Variants in SNTG2 observed in about 807,000 individuals in gnomAD.
The protein encoded by SNTG2 is syntrophin gamma 2, also known as gamma-2-syntrophin.
A neutral mutation model predicts 70.9 loss-of-function variants in SNTG2; 74 were observed. The ratio of observed to expected loss-of-function variants is 1.04; its 90% confidence interval spans 0.86 to 1.27. SNTG2 has a LOEUF of 1.27. Among genes scored for constraint, SNTG2 ranks in the 50% most tolerant of loss-of-function variants. The pLI, the probability that SNTG2 is intolerant of heterozygous loss-of-function variation, is 0.00. For synonymous variants in SNTG2, 278 were observed against 273.8 expected, an observed-to-expected ratio of 1.02 and a Z score of -0.15; for missense variants, 717 against 690.7, an observed-to-expected ratio of 1.04 and a Z score of -0.43.
chr2:1,081,282 C>T (rs6548183), intron 1 of SNTG2, among the ~76,000 whole-genome samples: 116,370 of 152,166 alleles, frequency 0.76, 45,100 homozygotes, highest in Admixed American at 0.87. Context: ...AGAGTAAATG[C>T]GGGAGGCAAT....
chr2:987,636 C>A (rs1420306820), intron 1 of SNTG2, among the ~76,000 whole-genome samples: 1 of 152,072 alleles, frequency 6.6e-6, no homozygotes, highest in Non-Finnish European at 1.5e-5. Context: ...GATTTCAGGA[C>A]TTCCGAGTTC....
At position 1,267,353 on chromosome 2, in the gene SNTG2, T is replaced by A; in HGVS notation, c.1078-12T>A. ...AGCGCTGCACGTTTCCAATCCATGC[T>A]CTGTTTTTCAGTTCTGGCTCACAGA... On this transcript the variant is annotated splice_polypyrimidine_tract_variant and intron_variant, in intron 13 of 16. Coordinates refer to ENST00000308624, the MANE Select transcript of SNTG2 (RefSeq NM_018968.4). 2 of 1,584,956 alleles carry A rather than the reference T, an allele frequency of 1.3e-6. No individual in the cohort carries two copies. Among genetic ancestry groups the A allele is most frequent in the South Asian group, 1.2e-5 (1 of 86,910 alleles).
chr2:1,113,385 C>T (rs1415560357), intron 4 of SNTG2, among the ~76,000 whole-genome samples: 2 of 150,640 alleles, frequency 1.3e-5, no homozygotes, highest in African/African-American at 4.9e-5. Context: ...TGAAAAGGAT[C>T]GTGTGTACTA....
chr2:1,331,894 C>A (rs1291162363), intron 16 of SNTG2, among the ~76,000 whole-genome samples: 2 of 152,216 alleles, frequency 1.3e-5, no homozygotes, highest in African/African-American at 4.8e-5. Flanking sequence ...GCCTGAAGTT[C>A]ATGCCCTGGC....
At chr2:1,366,578 C>T (rs1036291402) in intron 16 of SNTG2, among the ~76,000 whole-genome samples, 3 of 152,112 alleles carry the variant, frequency 2.0e-5, no homozygotes, top group Admixed American at 6.6e-5. Flanking sequence ...GGGGTATAAC[C>T]GTCTCTCTAG....
chr2:1,046,840 G>T (rs1223922668), intron 1 of SNTG2, among the ~76,000 whole-genome samples: 1 of 152,058 alleles, frequency 6.6e-6, no homozygotes, highest in Non-Finnish European at 1.5e-5. Context: ...TGTCTTGGAA[G>T]CTGGTGATCT....
intron 6 of SNTG2, among the ~76,000 whole-genome samples, chr2:1,158,742 G>C (rs1177231730): frequency 6.6e-6 from 1 of 152,128 alleles, no homozygotes; most frequent in Non-Finnish European, 1.5e-5. Flanking sequence ...GAATAAAGGG[G>C]AATGTAAGGC....
chr2:1,222,115 GTCTCTCTCT>G (rs1675204608), intron 9 of SNTG2, among the ~76,000 whole-genome samples: 6 of 22,060 alleles, frequency 2.7e-4, no homozygotes, highest in Admixed American at 1.4e-3. Context: ...GTCTCTCTCT[GTCTCTCTCT>G]GTCTCTCTCT....
At chr2:1,177,539 G>A (rs573405164) in intron 8 of SNTG2, among the ~76,000 whole-genome samples, 1 of 150,986 alleles carries the variant, frequency 6.6e-6, no homozygotes, top group East Asian at 1.9e-4. Context: ...AAAAGAAAAT[G>A]ATAGTAAAAT....
At chr2:1,102,905 C>T (rs766600408) in intron 4 of SNTG2, among the ~76,000 whole-genome samples, 1 of 152,206 alleles carries the variant, frequency 6.6e-6, no homozygotes, top group Non-Finnish European at 1.5e-5. Context: ...ACCTTGAATT[C>T]TTCGCGAAGT....
In SNTG2 at chr2:1,005,830, TA is replaced by T. The variant is rs1558306142; in HGVS notation, c.72+54763del. Among the ~76,000 whole-genome samples, 134 of 30,022 alleles carry T rather than the reference TA, an allele frequency of 4.5e-3. 5 individuals are homozygous for T. The highest frequency in any genetic ancestry group is 0.016 in the South Asian group (26 of 1,642). 19.7% of individuals were successfully genotyped at this position (30,022 alleles called of 152,430 possible). A position where few individuals can be genotyped will look rare whatever the true frequency, so the allele number is the denominator to read the frequency against. On this transcript the variant is annotated intron_variant, in intron 1 of 16. Transcript: ENST00000308624. ...AAATATATATATATATATATATATA[TA>T]TATATATATATATATATATATATAT... is the stretch of plus-strand genomic sequence containing the variant.
intron 16 of SNTG2, among the ~76,000 whole-genome samples, chr2:1,365,581 C>T (rs898784251): frequency 3.9e-5 from 6 of 152,104 alleles, no homozygotes; most frequent in Non-Finnish European, 7.3e-5. Context: ...CAGGCTGGCT[C>T]GCTGGCTCTC....
chr2:1,150,510 G>C (rs1373366207), intron 6 of SNTG2, among the ~76,000 whole-genome samples: 1 of 152,166 alleles, frequency 6.6e-6, no homozygotes, highest in Non-Finnish European at 1.5e-5. Flanking sequence ...TGGGGGCTTG[G>C]TGTGCGCCTC....
intron 16 of SNTG2, among the ~76,000 whole-genome samples, chr2:1,365,374 G>A (rs1661421810): frequency 6.6e-6 from 1 of 152,202 alleles, no homozygotes; most frequent in African/African-American, 2.4e-5. Flanking sequence ...AATTAGTGTT[G>A]TAGCTGTCAA....
chr2:1,165,467 G>A, intron 6 of SNTG2, 81 bp from the exon 7 acceptor site: 2 of 1,269,846 alleles, frequency 1.6e-6, no homozygotes, highest in Non-Finnish European at 2.2e-6. Flanking sequence ...GGAAACAGGA[G>A]AGGTAGAGAG....
At chr2:1,295,115 C>T (rs903637596) in intron 14 of SNTG2, among the ~76,000 whole-genome samples, 1 of 152,202 alleles carries the variant, frequency 6.6e-6, no homozygotes, top group East Asian at 1.9e-4. Context: ...GTCAGAGTCT[C>T]TCTCTCATGC....
intron 8 of SNTG2, among the ~76,000 whole-genome samples, chr2:1,197,372 CAAAG>C (rs1163977738): frequency 2.0e-5 from 3 of 149,248 alleles, no homozygotes; most frequent in African/African-American, 7.5e-5. Context: ...AAAAAAGACA[CAAAG>C]AAGATCTTTA....
At chr2:1,207,262 A>T (rs774441375) in intron 8 of SNTG2, among the ~76,000 whole-genome samples, 2 of 152,246 alleles carry the variant, frequency 1.3e-5, no homozygotes, top group Non-Finnish European at 2.9e-5. Context: ...AGCCCAACAG[A>T]AAAGGGTAAC....
At chr2:1,201,501 G>A (rs1673274260) in intron 8 of SNTG2, among the ~76,000 whole-genome samples, 1 of 151,580 alleles carries the variant, frequency 6.6e-6, no homozygotes, top group African/African-American at 2.4e-5. Flanking sequence ...CATTATGTTG[G>A]GGACATTTCA....
Sources: allele counts gnomAD v4.1 joint callset (sites outside exome capture counted in the v4.1 genomes callset), GRCh38; gene constraint gnomAD v4.1.1; transcripts MANE v1.5; gene names NCBI Gene and HGNC (gene_info 2026-07-23, HGNC 2026-07-21).